NLGN1: variants seen among roughly 807,000 people sequenced by gnomAD.
NLGN1 encodes the protein neuroligin-1.
NLGN1 carries 12 observed loss-of-function variants against 65.5 expected under a neutral mutation model. That is an observed-to-expected ratio of 0.18 (90% CI 0.12 to 0.30). The LOEUF is 0.30. Among genes scored for constraint, NLGN1 ranks in the 10% least tolerant of loss-of-function variants. The pLI, the probability that NLGN1 is intolerant of heterozygous loss-of-function variation, is 1.00. For missense variants in NLGN1, 750 were observed against 1,007.1 expected (o/e 0.74, Z 3.46); for synonymous variants, 350 against 359.5 (o/e 0.97, Z 0.30).
At chr3:174,065,914 G>A (rs917963385) in intron 4 of NLGN1, among the ~76,000 whole-genome samples, 1 of 152,094 alleles carries the variant, frequency 6.6e-6, no homozygotes, top group African/African-American at 2.4e-5. Flanking sequence ...GCAAGGAACT[G>A]AATCTTGCCA....
chr3:174,059,941 A>G (rs1331457666), intron 4 of NLGN1, among the ~76,000 whole-genome samples: 2 of 152,120 alleles, frequency 1.3e-5, no homozygotes, highest in Non-Finnish European at 2.9e-5. Flanking sequence ...TTTGGAACCA[A>G]TTTCTGCAGC....
intron 3 of NLGN1, among the ~76,000 whole-genome samples, chr3:173,767,267 A>G (rs1778913946): frequency 6.6e-6 from 1 of 152,134 alleles, no homozygotes; most frequent in East Asian, 1.9e-4. Flanking sequence ...CTTGATGACC[A>G]AATTATATTC....
At chr3:173,795,740 T>A (rs1456444485) in intron 3 of NLGN1, among the ~76,000 whole-genome samples, 1 of 152,156 alleles carries the variant, frequency 6.6e-6, no homozygotes, top group East Asian at 1.9e-4. Context: ...TATTTTTTCA[T>A]ATCCTTGATT....
chr3:174,108,262 A>G (rs747452111), intron 4 of NLGN1, among the ~76,000 whole-genome samples: 3 of 152,098 alleles, frequency 2.0e-5, no homozygotes, highest in Non-Finnish European at 2.9e-5. Context: ...TAAAAGTGTT[A>G]TAAGTCTGCC....
At chr3:173,857,141 C>A (rs965044021) in intron 4 of NLGN1, among the ~76,000 whole-genome samples, 36 of 151,904 alleles carry the variant, frequency 2.4e-4, no homozygotes, top group African/African-American at 8.5e-4. Flanking sequence ...AAGGAGTAAC[C>A]GACAAAGGCT....
intron 4 of NLGN1, among the ~76,000 whole-genome samples, chr3:174,240,347 A>C (rs1293787193): frequency 2.6e-5 from 4 of 152,110 alleles, no homozygotes; most frequent in African/African-American, 9.7e-5. Context: ...AAAGATATAA[A>C]ATTGGAATAT....
intron 4 of NLGN1, among the ~76,000 whole-genome samples, chr3:174,096,059 G>A (rs1745467809): frequency 6.6e-6 from 1 of 151,496 alleles, no homozygotes; most frequent in South Asian, 2.1e-4. Flanking sequence ...ACCATCATGA[G>A]CCTTATATAC....
chr3:174,027,064 T>C (rs1477094161), intron 4 of NLGN1, among the ~76,000 whole-genome samples: 6 of 133,456 alleles, frequency 4.5e-5, no homozygotes, highest in African/African-American at 9.5e-5. Context: ...GTTCAATTTT[T>C]TTAAAAAAAA....
chr3:174,164,552 C>T (rs1023178207), intron 4 of NLGN1, among the ~76,000 whole-genome samples: 1 of 151,928 alleles, frequency 6.6e-6, no homozygotes, highest in Non-Finnish European at 1.5e-5. Flanking sequence ...GCAAAAAGTA[C>T]AGGCCATTTT....
At chr3:174,194,576 T>C (rs1246400514) in intron 4 of NLGN1, among the ~76,000 whole-genome samples, 1 of 152,038 alleles carries the variant, frequency 6.6e-6, no homozygotes, top group Non-Finnish European at 1.5e-5. Flanking sequence ...AACCCAGATG[T>C]ACAAAAATCA....
intron 2 of NLGN1, among the ~76,000 whole-genome samples, chr3:173,490,003 A>G (rs577931516): frequency 6.6e-6 from 1 of 152,094 alleles, no homozygotes; most frequent in Non-Finnish European, 1.5e-5. Context: ...TCAGATGAGT[A>G]GGTTGCAAAC....
chr3:174,212,273 G>A (rs1040486869), intron 4 of NLGN1, among the ~76,000 whole-genome samples: 1 of 152,172 alleles, frequency 6.6e-6, no homozygotes, highest in African/African-American at 2.4e-5. Flanking sequence ...TGAGTGCGGG[G>A]CCCTCCAAGC....
At chr3:174,263,821 C>T (rs371013544) in intron 4 of NLGN1, among the ~76,000 whole-genome samples, 2 of 151,400 alleles carry the variant, frequency 1.3e-5, no homozygotes, top group Non-Finnish European at 2.9e-5. Context: ...GCGGCTGGTA[C>T]CGGTTGTTCC....
At chr3:174,141,401 G>GAA (rs143968825) in intron 4 of NLGN1, among the ~76,000 whole-genome samples, 1 of 151,740 alleles carries the variant, frequency 6.6e-6, no homozygotes, top group South Asian at 2.1e-4. Flanking sequence ...ATGTGAAGAA[G>GAA]AAAAAAAATC....
intron 3 of NLGN1, among the ~76,000 whole-genome samples, chr3:173,687,077 GTAGTC>G (rs1159153675): frequency 1.3e-5 from 2 of 152,212 alleles, no homozygotes; most frequent in Non-Finnish European, 2.9e-5. Context: ...TGGGACAGTA[GTAGTC>G]TGCATGTTGG....
chr3:174,038,223 C>A (rs1025954526), intron 4 of NLGN1, among the ~76,000 whole-genome samples: 1 of 152,128 alleles, frequency 6.6e-6, no homozygotes, highest in Non-Finnish European at 1.5e-5. Flanking sequence ...AGTCATGGAA[C>A]TTTACTGCCC....
intron 3 of NLGN1, among the ~76,000 whole-genome samples, chr3:173,686,276 A>G (rs1182275597): frequency 6.6e-6 from 1 of 151,998 alleles, no homozygotes; most frequent in Non-Finnish European, 1.5e-5. Context: ...TGACTAAAAA[A>G]AAAAAAAATC....
At chr3:174,205,436 T>G in intron 4 of NLGN1, among the ~76,000 whole-genome samples, 1 of 152,306 alleles carries the variant, frequency 6.6e-6, no homozygotes, top group Middle Eastern at 3.4e-3. Context: ...AGTTTTAATT[T>G]TTGTTAACAT....
intron 4 of NLGN1, among the ~76,000 whole-genome samples, chr3:173,878,876 C>A (rs964986240): frequency 2.0e-5 from 3 of 151,926 alleles, no homozygotes; most frequent in African/African-American, 7.3e-5. Flanking sequence ...ATATTTACAC[C>A]TTTTGACTCA....
Sources: gnomAD v4.1 joint callset for allele counts (sites outside exome capture counted in the v4.1 genomes callset) on GRCh38, gnomAD v4.1.1 for gene constraint, MANE v1.5 for transcripts, NCBI Gene and HGNC (gene_info 2026-07-23, HGNC 2026-07-21) for gene names.